Variants in RBFOX3 observed in about 807,000 individuals in gnomAD.
The protein encoded by RBFOX3 is RNA binding fox-1 homolog 3.
A neutral mutation model predicts 48.7 loss-of-function variants in RBFOX3; 17 were observed. The ratio of observed to expected loss-of-function variants is 0.35; its 90% CI spans 0.24 to 0.52. The LOEUF is 0.52. RBFOX3 is among the 20% of genes least tolerant of loss of function. The pLI is 0.94. For synonymous variants in RBFOX3, 212 were observed against 209.5 expected, an observed-to-expected ratio of 1.01 and a Z score of -0.10; for missense variants, 382 against 497.5, an observed-to-expected ratio of 0.77 and a Z score of 2.21.
At chr17:79,507,463 G>T (rs1388627796) in intron 1 of RBFOX3, among the ~76,000 whole-genome samples, 1 of 152,156 alleles carries the variant, frequency 6.6e-6, no homozygotes, top group Admixed American at 6.5e-5. Context: ...TCAGGTGCCC[G>T]CGGGATGCTG....
chr17:79,632,786 C>G, the RBFOX3 span, among the ~76,000 whole-genome samples: 1 of 150,722 alleles, frequency 6.6e-6, no homozygotes. Context: ...ATGGTGCACA[C>G]CTGTGGTTCC....
chr17:79,463,160 G>A (rs1409490530), intron 2 of RBFOX3, among the ~76,000 whole-genome samples: 9 of 135,296 alleles, frequency 6.7e-5, no homozygotes, highest in East Asian at 2.2e-4. Context: ...CACCACCATC[G>A]CCACTGCCAC....
chr17:79,641,255 C>A, the RBFOX3 span, among the ~76,000 whole-genome samples: 1 of 151,956 alleles, frequency 6.6e-6, no homozygotes, highest in Non-Finnish European at 1.5e-5. Context: ...GTTAGATATT[C>A]CCTCACACTT....
chr17:79,389,035 T>C (rs1356678049), intron 2 of RBFOX3, among the ~76,000 whole-genome samples: 1 of 152,208 alleles, frequency 6.6e-6, no homozygotes, highest in Non-Finnish European at 1.5e-5. Context: ...TGGCCTTTTC[T>C]CTACATCCTT....
intron 5 of RBFOX3, among the ~76,000 whole-genome samples, chr17:79,112,915 T>TGG (rs1189871020): frequency 3.3e-5 from 2 of 60,174 alleles, no homozygotes; most frequent in Non-Finnish European, 3.0e-5. Context: ...GGGGGGGGGG[T>TGG]GGGCTGGGTA....
In RBFOX3 at chr17:79,089,868, C is replaced by T. The variant is rs1033308370; in HGVS notation, c.*1015G>A. On this transcript the variant is annotated 3_prime_UTR_variant, in exon 15 of 15. Coordinates refer to ENST00000693108, the MANE Select transcript of RBFOX3 (RefSeq NM_001350451.2). ...AAGGGGCCGGCCCAGGCTTCCCCAT[C>T]CCTTGCCCTTCCCATGGGCCCCTGC... 1 of 152,464 alleles carries T rather than the reference C, an allele frequency of 6.6e-6. No homozygotes were observed. Among genetic ancestry groups the T allele is most frequent in the Non-Finnish European group, 1.5e-5 (1 of 68,106 alleles). 9.4% of individuals were successfully genotyped at this position (152,464 alleles called of 1,614,324 possible).
At chr17:79,431,382 T>G (rs1187057906) in intron 2 of RBFOX3, among the ~76,000 whole-genome samples, 1 of 152,194 alleles carries the variant, frequency 6.6e-6, no homozygotes, top group Non-Finnish European at 1.5e-5. Context: ...GATGCAATCT[T>G]GGCTCACGGC....
chr17:79,336,890 C>T (rs1277627123), intron 2 of RBFOX3, among the ~76,000 whole-genome samples: 6 of 152,132 alleles, frequency 3.9e-5, no homozygotes, highest in Admixed American at 2.0e-4. Context: ...GAGGCAGAGG[C>T]GGGTGGATCA....
Position 79,125,617 on chromosome 17 carries a change from G to A in RBFOX3, c.-33-9869C>T, listed in dbSNP as rs542137935. Among the ~76,000 whole-genome samples, 6 of 152,328 alleles carry A rather than the reference G, an allele frequency of 3.9e-5. No individual in the cohort carries two copies. In the South Asian group the frequency reaches 6.2e-4, roughly 16 times the overall value. ...TCTGGCCGTGGATGGAGCCCCTCCC[G>A]CACGGCCTGGCCGCCTTCCCTCGGC... On this transcript the variant is annotated intron_variant, in intron 4 of 14. Transcript: ENST00000693108.
In RBFOX3 at chr17:79,131,128, CTG is replaced by C. The variant is rs570402276; in HGVS notation, c.-33-15382_-33-15381del. On this transcript the variant is annotated intron_variant, in intron 4 of 14. Coordinates refer to ENST00000693108, the MANE Select transcript of RBFOX3 (RefSeq NM_001350451.2). ...TGTGCACATGTGCGCCCCGTGTGTGCTGTGTGACCCGTGTGCTTGTGTGTACC... is the reference window on the plus strand; with the variant it reads ...TGTGCACATGTGCGCCCCGTGTGTGCTGTGACCCGTGTGCTTGTGTGTACC... Among the ~76,000 whole-genome samples, 372 of 151,734 alleles carry C rather than the reference CTG, an allele frequency of 2.5e-3. 1 individual carries two copies. Among genetic ancestry groups the C allele is most frequent in the Middle Eastern group, 3.4e-3 (1 of 292 alleles).
At chr17:79,225,717 C>T (rs1368460467) in intron 4 of RBFOX3, among the ~76,000 whole-genome samples, 5 of 152,166 alleles carry the variant, frequency 3.3e-5, no homozygotes, top group South Asian at 2.1e-4. Context: ...TGGGCAGAGC[C>T]GGAGGGGGTA....
intron 2 of RBFOX3, among the ~76,000 whole-genome samples, chr17:79,334,003 AC>A (rs1230220588): frequency 1.3e-5 from 2 of 150,592 alleles, no homozygotes; most frequent in Admixed American, 6.6e-5. Flanking sequence ...GGGAATTCCC[AC>A]CCTGGTCACC....
In RBFOX3 at chr17:79,480,315, A is replaced by G. The variant is rs112671586; in HGVS notation, c.-175+2139T>C. ...TCTCAGACATGGGCCCAGATCCACC[A>G]CTCCTCTCCTCCCGGGTCCATGGCA... On this transcript the variant is annotated intron_variant, in intron 2 of 14. Transcript: ENST00000693108. This position sits in a 1 kb window ranked among gnomAD's most constrained non-coding sequence, Gnocchi z 4.8. Among the ~76,000 whole-genome samples, 15 of 151,204 alleles carry G rather than the reference A, an allele frequency of 9.9e-5. No homozygotes were observed. Among genetic ancestry groups the G allele is most frequent in the African/African-American group, 3.6e-4 (15 of 41,146 alleles).
At chr17:79,647,688 T>C in the RBFOX3 span, among the ~76,000 whole-genome samples, 1 of 152,136 alleles carries the variant, frequency 6.6e-6, no homozygotes, top group Admixed American at 6.5e-5. Context: ...CTGCTGCCCC[T>C]AACTGCACAA....
chr17:79,463,125 C>T (rs2075646293), intron 2 of RBFOX3, among the ~76,000 whole-genome samples: 1 of 150,688 alleles, frequency 6.6e-6, no homozygotes, highest in Non-Finnish European at 1.5e-5. Context: ...ACTGCCATCG[C>T]CACCGCCACT....
At chr17:79,091,448 C>T (rs1298765855) in intron 14 of RBFOX3, among the ~76,000 whole-genome samples, 1 of 152,218 alleles carries the variant, frequency 6.6e-6, no homozygotes, top group Non-Finnish European at 1.5e-5. Context: ...GGCAGGCCAG[C>T]AAGCTGCCCA....
chr17:79,563,626 T>C (rs1288258309), intron 1 of RBFOX3, among the ~76,000 whole-genome samples: 1 of 152,260 alleles, frequency 6.6e-6, no homozygotes, highest in Non-Finnish European at 1.5e-5. Flanking sequence ...TGATTACTCG[T>C]GAGATGAGTT....
At chr17:79,262,348 G>A (rs894359124) in intron 3 of RBFOX3, among the ~76,000 whole-genome samples, 6 of 152,248 alleles carry the variant, frequency 3.9e-5, no homozygotes, top group African/African-American at 7.2e-5. Flanking sequence ...ACTGGCCTGG[G>A]AGCCAGCCAT....
chr17:79,467,557 T>C (rs1030797397), intron 2 of RBFOX3, among the ~76,000 whole-genome samples: 1 of 152,178 alleles, frequency 6.6e-6, no homozygotes, highest in African/African-American at 2.4e-5. Flanking sequence ...GGCCACCCCC[T>C]GCTCTGCCTG....
Sources: allele counts gnomAD v4.1 joint callset (sites outside exome capture counted in the v4.1 genomes callset), GRCh38; gene constraint gnomAD v4.1.1; non-coding constraint Gnocchi (gnomAD v3.1); transcripts MANE v1.5; gene names NCBI Gene and HGNC (gene_info 2026-07-23, HGNC 2026-07-21).